SLC25A21: variants seen among roughly 807,000 people sequenced by gnomAD.
The protein encoded by SLC25A21 is solute carrier family 25 member 21.
SLC25A21 carries 47 observed loss-of-function variants against 43.8 expected under a neutral mutation model. That is an observed-to-expected ratio of 1.07 (90% CI 0.85 to 1.37). The LOEUF (loss-of-function observed/expected upper bound fraction) is 1.37, where lower values mean the gene tolerates loss of function less well. SLC25A21 is among the 40% of genes most tolerant of loss of function. The pLI, the probability that SLC25A21 is intolerant of heterozygous loss-of-function variation, is 0.00. For missense variants in SLC25A21, 352 were observed against 350.2 expected, an observed-to-expected ratio of 1.00 and a Z score of -0.04; for synonymous variants, 131 against 121.3, an observed-to-expected ratio of 1.08 and a Z score of -0.52.
chr14:36,901,760 C>A (rs970718492), intron 1 of SLC25A21, among the ~76,000 whole-genome samples: 4 of 152,002 alleles, frequency 2.6e-5, no homozygotes, highest in Non-Finnish European at 5.9e-5. Context: ...AAATTACTCC[C>A]AAGGATATAG....
chr14:37,085,551 T>C (rs1962467993), intron 1 of SLC25A21, among the ~76,000 whole-genome samples: 1 of 152,220 alleles, frequency 6.6e-6, no homozygotes, highest in South Asian at 2.1e-4. Flanking sequence ...GTATTTCCTG[T>C]ATGGACATTG....
At chr14:36,845,563 G>T (rs1028344644) in intron 2 of SLC25A21, among the ~76,000 whole-genome samples, 1 of 152,186 alleles carries the variant, frequency 6.6e-6, no homozygotes, top group African/African-American at 2.4e-5. Flanking sequence ...GAGGCACTGG[G>T]ATTTTCAGGA....
intron 1 of SLC25A21, among the ~76,000 whole-genome samples, chr14:37,128,536 C>CTGTGTGTGTGTG (rs780961992): frequency 4.1e-4 from 36 of 86,986 alleles, no homozygotes; most frequent in African/African-American, 1.2e-3. Flanking sequence ...CTCTCTCTCT[C>CTGTGTGTGTGTG]TCTGTGTGTG....
intron 1 of SLC25A21, among the ~76,000 whole-genome samples, chr14:36,972,797 T>C (rs1959781328): frequency 6.6e-6 from 1 of 151,982 alleles, no homozygotes; most frequent in Non-Finnish European, 1.5e-5. Context: ...AAATTAGAGT[T>C]AGAATGTGGA....
chr14:37,134,863 CA>C (rs1221997107), intron 1 of SLC25A21, among the ~76,000 whole-genome samples: 10 of 151,334 alleles, frequency 6.6e-5, no homozygotes, highest in Non-Finnish European at 4.4e-5. Flanking sequence ...GAAACCCCAG[CA>C]AAAGGATCAC....
chr14:36,948,299 T>G (rs1464117262), intron 1 of SLC25A21, among the ~76,000 whole-genome samples: 1 of 152,164 alleles, frequency 6.6e-6, no homozygotes, highest in Non-Finnish European at 1.5e-5. Context: ...AAATTCTTAG[T>G]TGGTATATAG....
intron 3 of SLC25A21, among the ~76,000 whole-genome samples, chr14:36,760,532 T>G (rs146709778): frequency 6.6e-6 from 1 of 152,260 alleles, no homozygotes; most frequent in African/African-American, 2.4e-5. Flanking sequence ...AACACCAGAC[T>G]TAGTGCCATT....
At chr14:37,110,225 T>C (rs1962993432) in intron 1 of SLC25A21, among the ~76,000 whole-genome samples, 2 of 152,182 alleles carry the variant, frequency 1.3e-5, no homozygotes, top group South Asian at 4.1e-4. Context: ...ATGTTTTATG[T>C]TAAGAGGTTG....
intron 1 of SLC25A21, among the ~76,000 whole-genome samples, chr14:36,963,217 C>T (rs996522758): frequency 4.6e-5 from 7 of 151,948 alleles, no homozygotes; most frequent in African/African-American, 1.4e-4. Context: ...GTTAAAGAAA[C>T]GATAAGTGAA....
At chr14:36,904,670 C>A (rs1181063021) in intron 1 of SLC25A21, among the ~76,000 whole-genome samples, 1 of 152,154 alleles carries the variant, frequency 6.6e-6, no homozygotes, top group Non-Finnish European at 1.5e-5. Context: ...GAAAAGCAGG[C>A]ACCTTCTTCA....
At chr14:37,013,644 AT>A (rs956012497) in intron 1 of SLC25A21, among the ~76,000 whole-genome samples, 1 of 152,112 alleles carries the variant, frequency 6.6e-6, no homozygotes, top group South Asian at 2.1e-4. Context: ...ACAACTGGTG[AT>A]TTTTTTGTAA....
At chr14:37,012,778 T>C (rs1566814311) in intron 1 of SLC25A21, among the ~76,000 whole-genome samples, 1 of 152,192 alleles carries the variant, frequency 6.6e-6, no homozygotes. Context: ...GGACACTCAG[T>C]GTAGAACAAC....
chr14:36,701,523 A>G (rs1883276129), intron 7 of SLC25A21, among the ~76,000 whole-genome samples: 1 of 152,224 alleles, frequency 6.6e-6, no homozygotes, highest in Non-Finnish European at 1.5e-5. Flanking sequence ...TCTGTTCTTT[A>G]AAGTATTGTA....
intron 1 of SLC25A21, among the ~76,000 whole-genome samples, chr14:37,146,512 G>C (rs1255088034): frequency 6.6e-6 from 1 of 152,150 alleles, no homozygotes; most frequent in Non-Finnish European, 1.5e-5. Flanking sequence ...CTCCCAAAGT[G>C]CTGGGATTAC....
intron 7 of SLC25A21, among the ~76,000 whole-genome samples, chr14:36,707,879 C>T (rs928447528): frequency 6.6e-6 from 1 of 152,184 alleles, no homozygotes; most frequent in Non-Finnish European, 1.5e-5. Flanking sequence ...AATCCCAGCA[C>T]TTTGGAAGGC....
chr14:36,761,309 G>A (rs941838578), intron 3 of SLC25A21, among the ~76,000 whole-genome samples: 3 of 152,178 alleles, frequency 2.0e-5, no homozygotes, highest in African/African-American at 7.2e-5. Context: ...GGCCTGCTCT[G>A]TGCCACATGT....
In SLC25A21 at chr14:37,004,927, T is replaced by A. The variant is rs78307606; in HGVS notation, c.71-129923A>T. 6.0e-5 allele frequency among the ~76,000 whole-genome samples: 3 copies of A among 49,838 alleles called. No individual in the cohort carries two copies. In the African/African-American group the frequency reaches 1.2e-3, roughly 19 times the overall value. The allele number at this position is 49,838 out of a possible 152,430, so 32.7% of individuals were successfully genotyped here. On this transcript the variant is annotated intron_variant, in intron 1 of 9. Transcript: ENST00000331299. ...AATAAGAAGAATGGCAGGGAAGGAATTTTTTTTTTTTTTTTGAGACAGAGT... is the reference window on the plus strand; with the variant it reads ...AATAAGAAGAATGGCAGGGAAGGAAATTTTTTTTTTTTTTTGAGACAGAGT...
At chr14:37,107,324 C>G (rs999754679) in intron 1 of SLC25A21, among the ~76,000 whole-genome samples, 1 of 151,818 alleles carries the variant, frequency 6.6e-6, no homozygotes, top group East Asian at 1.9e-4. Flanking sequence ...ACTACAGGTA[C>G]GGGGCACTAC....
chr14:37,070,799 G>A (rs995631062), intron 1 of SLC25A21, among the ~76,000 whole-genome samples: 4 of 152,118 alleles, frequency 2.6e-5, no homozygotes, highest in South Asian at 2.1e-4. Context: ...CATATACACC[G>A]GAATGAAGAA....
Sources: gnomAD v4.1 joint callset for allele counts (sites outside exome capture counted in the v4.1 genomes callset) on GRCh38, gnomAD v4.1.1 for gene constraint, MANE v1.5 for transcripts, NCBI Gene and HGNC (gene_info 2026-07-23, HGNC 2026-07-21) for gene names.